Variants in DLC1 observed in about 807,000 individuals in gnomAD.
DLC1 encodes the protein rho GTPase-activating protein 7.
In DLC1, 54 loss-of-function variants were observed where a neutral mutation model predicts 140.3. That is an observed-to-expected ratio of 0.38 (90% CI 0.31 to 0.48). The LOEUF (loss-of-function observed/expected upper bound fraction) is 0.48, where lower values mean the gene tolerates loss of function less well. Ranked by LOEUF, DLC1 falls within the 20% of genes least tolerant of loss-of-function variation. DLC1 has a pLI of 0.96. For missense variants in DLC1, 2,536 were observed against 1,907.0 expected (o/e 1.33, Z -6.14); for synonymous variants, 986 against 728.1 (o/e 1.35, Z -5.70).
chr8:13,153,114 G>C (rs551487891), intron 5 of DLC1, among the ~76,000 whole-genome samples: 4 of 152,310 alleles, frequency 2.6e-5, no homozygotes, highest in Non-Finnish European at 5.9e-5. Context: ...CTTCAAGAAC[G>C]AAGCCGCGGA....
At chr8:13,479,853 G>GA (rs879619553) in intron 2 of DLC1, among the ~76,000 whole-genome samples, 2 of 49,928 alleles carry the variant, frequency 4.0e-5, no homozygotes, top group Admixed American at 1.7e-4. Flanking sequence ...AGAAGAAGAA[G>GA]AAGAAGAGAA....
chr8:13,412,273 A>C (rs779922813), intron 2 of DLC1, among the ~76,000 whole-genome samples: 1 of 152,224 alleles, frequency 6.6e-6, no homozygotes, highest in Non-Finnish European at 1.5e-5. Context: ...AAAAGAAATC[A>C]TGACCACACT....
intron 1 of DLC1, among the ~76,000 whole-genome samples, chr8:13,598,480 A>G (rs1805755330): frequency 6.6e-6 from 1 of 152,092 alleles, no homozygotes; most frequent in African/African-American, 2.4e-5. Context: ...TATAGGAGTG[A>G]CTGATAAATG....
intron 16 of DLC1, among the ~76,000 whole-genome samples, chr8:13,087,870 T>C (rs1817697478): frequency 6.6e-6 from 1 of 152,202 alleles, no homozygotes; most frequent in Non-Finnish European, 1.5e-5. Context: ...TTTCCTGGCT[T>C]ATTCATTCAC....
At chr8:13,148,785 A>G (rs1823609722) in intron 5 of DLC1, among the ~76,000 whole-genome samples, 1 of 151,932 alleles carries the variant, frequency 6.6e-6, no homozygotes. Context: ...TAATGAGGTG[A>G]TAATTTTTTC....
intron 1 of DLC1, among the ~76,000 whole-genome samples, chr8:13,512,101 G>C (rs904786119): frequency 6.6e-6 from 1 of 152,046 alleles, no homozygotes; most frequent in Non-Finnish European, 1.5e-5. Flanking sequence ...CAGGCAGTCA[G>C]CTATAAGGGC....
chr8:13,529,502 T>C (rs1392053955), intron 1 of DLC1, among the ~76,000 whole-genome samples: 1 of 152,230 alleles, frequency 6.6e-6, no homozygotes, highest in Non-Finnish European at 1.5e-5. Context: ...TACTCTCTTT[T>C]GTATATCCTC....
intron 5 of DLC1, among the ~76,000 whole-genome samples, chr8:13,301,062 C>A (rs1391695251): frequency 2.0e-5 from 3 of 152,112 alleles, no homozygotes; most frequent in African/African-American, 2.4e-5. Flanking sequence ...GCCTAGCTGG[C>A]TTGCTTGGTA....
intron 1 of DLC1, among the ~76,000 whole-genome samples, chr8:13,603,281 C>T (rs957454492): frequency 1.3e-5 from 2 of 151,684 alleles, no homozygotes; most frequent in Non-Finnish European, 1.5e-5. Context: ...ACATAATATT[C>T]ATTATGTTAA....
In DLC1 at chr8:13,499,734, T is replaced by G; in HGVS notation, c.338A>C (p.Glu113Ala). The change falls in exon 2 of 18, where the codon GAG becomes GCG. Residue 113 changes from glutamate (E) to alanine (A), a missense_variant. By Grantham distance (107) the Glu-to-Ala change is moderately radical. Transcript: ENST00000276297. ...STETLVHVSDEDNNADLCLTD... is the reference protein window; with the variant it reads ...STETLVHVSDADNNADLCLTD... Reference sequence around the variant, plus strand: ...AAGGCATAAATCAGCATTGTTATCCTCATCAGAAACATGCACTAGTGTTTC... The same window carrying G: ...AAGGCATAAATCAGCATTGTTATCCGCATCAGAAACATGCACTAGTGTTTC... The G allele has an allele frequency of 6.2e-7, 1 of 1,614,176 alleles. No homozygotes were observed. Among genetic ancestry groups the G allele is most frequent in the Non-Finnish European group, 8.5e-7 (1 of 1,180,014 alleles).
chr8:13,577,216 G>A (rs1384416162), intron 1 of DLC1, among the ~76,000 whole-genome samples: 1 of 152,116 alleles, frequency 6.6e-6, no homozygotes, highest in African/African-American at 2.4e-5. Flanking sequence ...CAAAGACTGT[G>A]CTTTAATTTA....
chr8:13,094,320 A>C (rs1471066421), intron 12 of DLC1, among the ~76,000 whole-genome samples: 1 of 152,236 alleles, frequency 6.6e-6, no homozygotes, highest in African/African-American at 2.4e-5. Flanking sequence ...GCAAGGAAGA[A>C]GGTGATGACA....
At chr8:13,402,492 C>G (rs1837341133) in intron 2 of DLC1, among the ~76,000 whole-genome samples, 2 of 152,222 alleles carry the variant, frequency 1.3e-5, no homozygotes, top group Non-Finnish European at 2.9e-5. Context: ...TTAGGTTCTT[C>G]AAAAGCAACA....
In DLC1 at chr8:13,175,073, C is replaced by T. The variant is rs921484600; in HGVS notation, c.1349-59416G>A. On this transcript the variant is annotated intron_variant, in intron 5 of 17. Coordinates refer to ENST00000276297, the MANE Select transcript of DLC1 (RefSeq NM_182643.3). ...TGAAAGGTAGGGGTCCATTCTTCTG[C>T]ATACGGCTAGCCAGTTATCCCAGCA... is the stretch of plus-strand genomic sequence containing the variant. 6.6e-5 allele frequency among the ~76,000 whole-genome samples: 10 copies of T among 152,298 alleles called. No individual in the cohort carries two copies. The South Asian group carries it at 1.7e-3, about 25-fold the overall frequency.
At chr8:13,463,146 C>G (rs1219566340) in intron 2 of DLC1, among the ~76,000 whole-genome samples, 1 of 151,638 alleles carries the variant, frequency 6.6e-6, no homozygotes, top group African/African-American at 2.4e-5. Flanking sequence ...ATTTTTTTAT[C>G]TGGTTGCCGG....
chr8:13,398,716 T>G (rs753182725), intron 3 of DLC1, among the ~76,000 whole-genome samples: 5 of 151,926 alleles, frequency 3.3e-5, no homozygotes, highest in Admixed American at 6.6e-5. Context: ...AGCAATGGAA[T>G]TTGAACCTAA....
At chr8:13,235,185 G>C (rs1829223359) in intron 5 of DLC1, among the ~76,000 whole-genome samples, 1 of 152,046 alleles carries the variant, frequency 6.6e-6, no homozygotes, top group African/African-American at 2.4e-5. Flanking sequence ...GCAATTGAAA[G>C]AACAGGTATG....
chr8:13,565,355 A>G (rs1397244657), intron 1 of DLC1, among the ~76,000 whole-genome samples: 1 of 152,242 alleles, frequency 6.6e-6, no homozygotes, highest in Admixed American at 6.5e-5. Context: ...AGATATAGCT[A>G]AAACATGAAT....
chr8:13,569,293 G>A (rs1804562224), intron 1 of DLC1, among the ~76,000 whole-genome samples: 1 of 152,142 alleles, frequency 6.6e-6, no homozygotes, highest in Non-Finnish European at 1.5e-5. Context: ...AATCAGCACA[G>A]AAGAGTTTTA....
Sources: allele counts gnomAD v4.1 joint callset (sites outside exome capture counted in the v4.1 genomes callset), GRCh38; gene constraint gnomAD v4.1.1; transcripts MANE v1.5; gene names NCBI Gene and HGNC (gene_info 2026-07-23, HGNC 2026-07-21).